ALLC: variants seen among roughly 807,000 people sequenced by gnomAD.
ALLC encodes allantoicase.
ALLC carries 40 observed loss-of-function variants against 45.0 expected under a neutral mutation model. The observed-to-expected ratio is 0.89, with a 90% CI of 0.69 to 1.16. The LOEUF (loss-of-function observed/expected upper bound fraction) is 1.16. Ranked by LOEUF, ALLC falls within the 50% of genes most tolerant of loss-of-function variation. ALLC has a pLI of 0.00. For missense variants in ALLC, 488 were observed against 493.1 expected (o/e 0.99, Z 0.10); for synonymous variants, 176 against 178.1 (o/e 0.99, Z 0.09).
intron 1 of ALLC, among the ~76,000 whole-genome samples, chr2:3,659,960 T>A (rs1666529995): frequency 6.6e-6 from 1 of 152,210 alleles, no homozygotes; most frequent in Non-Finnish European, 1.5e-5. Flanking sequence ...TTTCTCACAT[T>A]TTTTTATCTT....
intron 3 of ALLC, among the ~76,000 whole-genome samples, chr2:3,675,021 C>T (rs1205738214): frequency 6.6e-6 from 1 of 152,094 alleles, no homozygotes; most frequent in Non-Finnish European, 1.5e-5. Context: ...GAGGAGATAA[C>T]CAACCTAAGT....
In ALLC at chr2:3,671,185, G is replaced by A. The variant is rs866663518; in HGVS notation, c.28G>A (p.Gly10Arg). 2.5e-6 allele frequency: 4 copies of A among 1,610,802 alleles called. No individual in the cohort carries two copies. In the African/African-American group the frequency reaches 4.0e-5, roughly 16 times the overall value. MDMASESVG[G>R]KILFATDDFF... is the part of the protein sequence containing the mutation. ...GGACATGGCATCTGAATCCGTAGGA[G>A]GAAAAGTAAGTGGGTCTCTCATGGC... is the stretch of plus-strand genomic sequence containing the variant. Residue 10 changes from glycine (G) to arginine (R), a missense_variant, in exon 2 of 12, where the codon GGA becomes AGA. By Grantham distance (125) the Gly-to-Arg change is moderately radical. Transcript: ENST00000252505.
At chr2:3,671,068 G>T in intron 1 of ALLC, 28 bp from the exon 2 acceptor site, 1 of 1,458,782 alleles carries the variant, frequency 6.9e-7, no homozygotes, top group Non-Finnish European at 9.4e-7. Context: ...AGCCCCCAAG[G>T]TTGACCGAGC....
chr2:3,676,498 C>T (rs1018268671), intron 3 of ALLC, among the ~76,000 whole-genome samples: 1 of 152,208 alleles, frequency 6.6e-6, no homozygotes, highest in Non-Finnish European at 1.5e-5. Flanking sequence ...CCTCCTGCCT[C>T]GGCCTCCCAA....
upstream of ALLC, among the ~76,000 whole-genome samples, chr2:3,656,182 C>T (rs914627469): frequency 6.6e-6 from 1 of 152,238 alleles, no homozygotes; most frequent in Non-Finnish European, 1.5e-5. Flanking sequence ...CTCCTTGCCT[C>T]CTGGGAGCCC....
At position 3,689,326 on chromosome 2, in the gene ALLC, T is replaced by C. The variant is rs145486707; in HGVS notation, c.511+6252T>C. 3.1e-3 allele frequency among the ~76,000 whole-genome samples: 475 copies of C among 151,208 alleles called. 8 individuals are homozygous for C. The highest frequency in any genetic ancestry group is 0.011 in the African/African-American group (446 of 41,484). ...TTATATTAATTTGAAGTCTTTCTAC[T>C]TCTTTGGTATAGGTATTTATTGCTA... On this transcript the variant is annotated intron_variant, in intron 7 of 11. Transcript: ENST00000252505.
At position 3,658,269 on chromosome 2, in the gene ALLC, A is replaced by G. The variant is rs1260204619; in HGVS notation, c.-88A>G. The G allele has an allele frequency of 1.3e-5, 2 of 152,326 alleles. No homozygotes were observed. Among genetic ancestry groups the G allele is most frequent in the Non-Finnish European group, 2.9e-5 (2 of 68,120 alleles). The allele number at this position is 152,326 out of a possible 1,614,324, so 9.4% of individuals were successfully genotyped here. On this transcript the variant is annotated 5_prime_UTR_variant, in exon 1 of 12. An upstream start codon of the reference 5' UTR is lost. Coordinates refer to ENST00000252505, the MANE Select transcript of ALLC (RefSeq NM_018436.4). The stretch of plus-strand genomic sequence containing the variant: ...CTTCTGGGGAGCAAGAGATCCATTT[A>G]TGAATACTTGATTTCTGACTGCTGG...
the ALLC span, among the ~76,000 whole-genome samples, chr2:3,647,726 A>G: frequency 2.1e-4 from 30 of 143,384 alleles, no homozygotes; most frequent in South Asian, 6.8e-3. Context: ...CCCTGGGGGT[A>G]ACTCACACAT....
chr2:3,666,902 G>T (rs1240850942), intron 1 of ALLC, among the ~76,000 whole-genome samples: 1 of 152,218 alleles, frequency 6.6e-6, no homozygotes, highest in African/African-American at 2.4e-5. Flanking sequence ...TCAGCAGGGA[G>T]GCCGCAGGTG....
chr2:3,652,846 C>T, the ALLC span, among the ~76,000 whole-genome samples: 4 of 152,126 alleles, frequency 2.6e-5, no homozygotes, highest in Admixed American at 1.3e-4. Context: ...CATCCCAAAA[C>T]GCTAGGATTA....
In ALLC at chr2:3,660,539, A is replaced by AT. The variant is rs1037174006; in HGVS notation, c.-63+2255dup. On this transcript the variant is annotated intron_variant, in intron 1 of 11. Coordinates refer to ENST00000252505, the MANE Select transcript of ALLC (RefSeq NM_018436.4). ...CCAAAGAAACAGCCCTTGAATATCA[A>AT]TTTTTTTTTTCTTCTCGGCAAGACC... Among the ~76,000 whole-genome samples, 37 of 150,528 alleles carry AT rather than the reference A, an allele frequency of 2.5e-4. No individual in the cohort carries two copies. In the South Asian group the frequency reaches 3.0e-3, roughly 12 times the overall value.
intron 1 of ALLC, among the ~76,000 whole-genome samples, chr2:3,666,729 A>G (rs1666736175): frequency 6.6e-6 from 1 of 152,182 alleles, no homozygotes; most frequent in Non-Finnish European, 1.5e-5. Context: ...GCCAGTCGGT[A>G]GGTTGTGTGT....
the ALLC span, among the ~76,000 whole-genome samples, chr2:3,650,269 A>G: frequency 6.6e-6 from 1 of 152,138 alleles, no homozygotes; most frequent in Non-Finnish European, 1.5e-5. Flanking sequence ...GCCCTGTTCC[A>G]GGTTCCTGCA....
At chr2:3,697,621 GTCTA>G (rs201211524) in intron 10 of ALLC, among the ~76,000 whole-genome samples, 165 bp downstream of exon 10, 23,745 of 124,976 alleles carry the variant, frequency 0.19, 2,042 homozygotes, top group Non-Finnish European at 0.23. Flanking sequence ...CTGTCTGTCT[GTCTA>G]TCTATCTATC....
chr2:3,665,139 G>T (rs57360907), intron 1 of ALLC, among the ~76,000 whole-genome samples: 7,613 of 152,158 alleles, frequency 0.05, 604 homozygotes, highest in African/African-American at 0.17. Context: ...GCAGCGAGAC[G>T]GATCCTGGAA....
At chr2:3,647,156 G>A in the ALLC span, among the ~76,000 whole-genome samples, 1 of 152,172 alleles carries the variant, frequency 6.6e-6, no homozygotes, top group Non-Finnish European at 1.5e-5. Context: ...GGTTGCGCGT[G>A]TGATGACACA....
At chr2:3,651,536 C>T in the ALLC span, among the ~76,000 whole-genome samples, 3 of 151,738 alleles carry the variant, frequency 2.0e-5, no homozygotes, top group African/African-American at 7.3e-5. Context: ...AGAAAGCACC[C>T]GGCCTCGCTC....
At chr2:3,665,438 A>C (rs1014779003) in intron 1 of ALLC, among the ~76,000 whole-genome samples, 21 of 152,042 alleles carry the variant, frequency 1.4e-4, no homozygotes, top group Admixed American at 4.6e-4. Context: ...CCCCACATGC[A>C]TTAGCTATTT....
chr2:3,659,434 T>G (rs1432442543), intron 1 of ALLC, among the ~76,000 whole-genome samples: 3 of 152,198 alleles, frequency 2.0e-5, no homozygotes, highest in Non-Finnish European at 4.4e-5. Context: ...GGTAAAACTT[T>G]AGCATGTTCC....
Sources: allele counts gnomAD v4.1 joint callset (sites outside exome capture counted in the v4.1 genomes callset), GRCh38; gene constraint gnomAD v4.1.1; transcripts MANE v1.5; gene names NCBI Gene and HGNC (gene_info 2026-07-23, HGNC 2026-07-21).